The following ZNF398 variants were observed in gnomAD, a reference collection of about 807,000 sequenced individuals.
ZNF398 encodes the protein zinc finger protein 398, also known as zinc finger DNA binding protein ZER6.
In ZNF398, 18 loss-of-function variants were observed where a neutral mutation model predicts 41.9. The observed-to-expected ratio is 0.43, with a 90% CI of 0.30 to 0.64. The LOEUF (loss-of-function observed/expected upper bound fraction) is 0.64. Among genes scored for constraint, ZNF398 ranks in the 30% least tolerant of loss-of-function variants. The pLI, the probability that ZNF398 is intolerant of heterozygous loss-of-function variation, is 0.14. For synonymous variants in ZNF398, 260 were observed against 308.8 expected (o/e 0.84, Z 1.66); for missense variants, 669 against 822.8 (o/e 0.81, Z 2.29).
At position 149,133,684 on chromosome 7, in the gene ZNF398, TATATGTGTGTATATATATATAC is replaced by T. The variant is rs1214836273; in HGVS notation, c.-490+4742_-490+4763del. Among the ~76,000 whole-genome samples, 137 of 41,964 alleles carry T rather than the reference TATATGTGTGTATATATATATAC, an allele frequency of 3.3e-3. 6 individuals are homozygous for T. Among genetic ancestry groups the T allele is most frequent in the East Asian group, 0.016 (14 of 882 alleles). 27.5% of individuals were successfully genotyped at this position (41,964 alleles called of 152,430 possible). A position where few individuals can be genotyped will look rare whatever the true frequency, so the allele number is the denominator to read the frequency against. ...ATATATATATATATATATATACATA[TATATGTGTGTATATATATATAC>T]ACACATATATATGTATATATATATT... On this transcript the variant is annotated intron_variant, in intron 2 of 6. Transcript: ENST00000426851.
intron 2 of ZNF398, among the ~76,000 whole-genome samples, chr7:149,139,954 C>T (rs1043963445): frequency 4.9e-5 from 7 of 143,982 alleles, no homozygotes; most frequent in African/African-American, 1.6e-4. Flanking sequence ...GCCGAGATTG[C>T]GCCACTGCAC....
intron 5 of ZNF398, among the ~76,000 whole-genome samples, chr7:149,177,205 A>C (rs907819812): frequency 6.6e-6 from 1 of 152,038 alleles, no homozygotes; most frequent in Admixed American, 6.6e-5. Flanking sequence ...TCTTGAAAAA[A>C]CTTATGCTAG....
In ZNF398 at chr7:149,178,701, G is replaced by C. The variant is rs769528874; in HGVS notation, c.829G>C (p.Glu277Gln). 7.4e-6 allele frequency: 12 copies of C among 1,614,196 alleles called. No homozygotes were observed. The highest frequency in any genetic ancestry group is 4.2e-6 in the Non-Finnish European group (5 of 1,180,040). ...CCTTGCTAGATCCTCGTTGTGCCCT[G>C]AGGTTCCAGTCCCTTTCTCTTCTCC... is the stretch of plus-strand genomic sequence containing the variant. ...EGLARSSLCPEVPVPFSSPPA... is the reference protein window; with the variant it reads ...EGLARSSLCPQVPVPFSSPPA... The change falls in exon 6 of 6, where the codon GAG becomes CAG. Residue 277 changes from glutamate (E) to glutamine (Q), a missense_variant. Physicochemically the swap from Glu to Gln is conservative, Grantham distance 29 (BLOSUM62 2). Around this residue, in one of 3 missense-constraint regions of ZNF398, gnomAD observed 290 missense variants for 292.9 expected, o/e 0.99. Coordinates refer to ENST00000475153, the MANE Select transcript of ZNF398 (RefSeq NM_170686.3).
chr7:149,182,108 G>A lies in ZNF398; in HGVS notation c.*2307G>A, dbSNP rs1795605678. Reference sequence around the variant, plus strand: ...GATTTGCCAAGAACACAGCTTATTAGTGAAAGAGACCTGTGGATTGAAATG... The same window carrying A: ...GATTTGCCAAGAACACAGCTTATTAATGAAAGAGACCTGTGGATTGAAATG... On this transcript the variant is annotated 3_prime_UTR_variant, in exon 6 of 6. Transcript: ENST00000475153. 2 of 152,180 alleles carry A rather than the reference G, an allele frequency of 1.3e-5. No homozygotes were observed. The highest frequency in any genetic ancestry group is 6.5e-5 in the Admixed American group (1 of 15,280). 9.4% of individuals were successfully genotyped at this position (152,180 alleles called of 1,614,324 possible).
chr7:149,160,704 G>A (rs1056342508), intron 2 of ZNF398, among the ~76,000 whole-genome samples: 3 of 152,158 alleles, frequency 2.0e-5, no homozygotes, highest in Non-Finnish European at 4.4e-5. Flanking sequence ...ATTTTCTTGT[G>A]TGAATTAAGT....
chr7:149,147,610 T>C lies in ZNF398; in HGVS notation c.-133T>C. On this transcript the variant is annotated 5_prime_UTR_variant, in exon 1 of 6. Coordinates refer to ENST00000475153, the MANE Select transcript of ZNF398 (RefSeq NM_170686.3). The surrounding 1 kb of genome is among the most constrained non-coding windows in gnomAD (Gnocchi z 5.6). ...CCGACGGCCGCGTGAGTCCCGTCCG[T>C]GCGGGGAAGGCAGGGCCGGGTCGGC... The C allele has an allele frequency of 9.7e-7, 1 of 1,029,504 alleles. No homozygotes were observed. Among genetic ancestry groups the C allele is most frequent in the South Asian group, 4.7e-5 (1 of 21,226 alleles). 63.8% of individuals were successfully genotyped at this position (1,029,504 alleles called of 1,614,324 possible). A position where few individuals can be genotyped will look rare whatever the true frequency, so the allele number is the denominator to read the frequency against.
rs565523865 is a variant in ZNF398, at chr7:149,150,753, A to G, written c.24+2987A>G. Among the ~76,000 whole-genome samples, 8 of 148,630 alleles carry G rather than the reference A, an allele frequency of 5.4e-5. No individual in the cohort carries two copies. The East Asian group carries it at 1.4e-3, about 27-fold the overall frequency. ...CTAGACAGAGTCTTGCTCTGTCACC[A>G]TGCTGGAGTGCAGTGGCACGATTTC... On this transcript the variant is annotated intron_variant, in intron 1 of 5. Coordinates refer to ENST00000475153, the MANE Select transcript of ZNF398 (RefSeq NM_170686.3).
upstream of ZNF398, among the ~76,000 whole-genome samples, chr7:149,143,455 G>T (rs1309827187): frequency 6.6e-6 from 1 of 152,226 alleles, no homozygotes; most frequent in Non-Finnish European, 1.5e-5. Flanking sequence ...GGAAGATGCT[G>T]AAATTGGTGT....
chr7:149,127,322 G>A (rs1826501619), intron 1 of ZNF398, among the ~76,000 whole-genome samples: 1 of 151,922 alleles, frequency 6.6e-6, no homozygotes, highest in Non-Finnish European at 1.5e-5. Flanking sequence ...ATAGGCTGAG[G>A]AGCGTGTGCA....
chr7:149,147,253 C>A (rs945413052), upstream of ZNF398: 5 of 152,254 alleles, frequency 3.3e-5, no homozygotes. This position sits in a 1 kb window ranked among gnomAD's most constrained non-coding sequence, Gnocchi z 5.6. Context: ...GTGAGCTGAA[C>A]CTTCTCGTGG....
At chr7:149,154,539 C>T (rs1399580418) in intron 2 of ZNF398, among the ~76,000 whole-genome samples, 199 bp downstream of exon 2, 2 of 152,020 alleles carry the variant, frequency 1.3e-5, no homozygotes, top group East Asian at 1.9e-4. Flanking sequence ...TTTAGAGTGC[C>T]AAGATTCAGA....
Position 149,182,988 on chromosome 7 carries a change from C to G in ZNF398, c.*3187C>G, listed in dbSNP as rs1014623279. Among the ~76,000 whole-genome samples, 4 of 146,632 alleles carry G rather than the reference C, an allele frequency of 2.7e-5. No individual in the cohort carries two copies. Among genetic ancestry groups the G allele is most frequent in the African/African-American group, 1.0e-4 (4 of 39,332 alleles). ...AACCAGGACCAGACCCTGTGACTTA[C>G]TCGGTAATAACAGTCCACACAAGCC... is the stretch of plus-strand genomic sequence containing the variant. On this transcript the variant is annotated 3_prime_UTR_variant, in exon 6 of 6. Coordinates refer to ENST00000475153, the MANE Select transcript of ZNF398 (RefSeq NM_170686.3).
At chr7:149,167,634 CTTTTTTT>C (rs1163487497) in intron 4 of ZNF398, among the ~76,000 whole-genome samples, 12 of 133,958 alleles carry the variant, frequency 9.0e-5, no homozygotes, top group African/African-American at 3.2e-4. Context: ...TTTTTCTTTT[CTTTTTTT>C]TTTTTTTTTT....
intron 2 of ZNF398, among the ~76,000 whole-genome samples, chr7:149,137,253 G>A (rs894721149): frequency 1.3e-5 from 2 of 152,118 alleles, no homozygotes; most frequent in Non-Finnish European, 2.9e-5. Context: ...ATTGATCCAT[G>A]TGTCTATCCC....
At chr7:149,150,511 A>C (rs1026416081) in intron 1 of ZNF398, among the ~76,000 whole-genome samples, 1 of 152,112 alleles carries the variant, frequency 6.6e-6, no homozygotes, top group African/African-American at 2.4e-5. Flanking sequence ...AGATGGGAGA[A>C]TCGCTTGAGC....
At chr7:149,156,001 T>C (rs1358398727) in intron 2 of ZNF398, among the ~76,000 whole-genome samples, 1 of 151,862 alleles carries the variant, frequency 6.6e-6, no homozygotes, top group Non-Finnish European at 1.5e-5. Context: ...GCTGGGATTA[T>C]AGGCATGAGC....
upstream of ZNF398, among the ~76,000 whole-genome samples, chr7:149,145,296 C>T (rs185546693): frequency 1.4e-4 from 22 of 152,166 alleles, no homozygotes; most frequent in East Asian, 3.9e-3. Context: ...CACATGAAAC[C>T]GCCCCAACAG....
intron 2 of ZNF398, among the ~76,000 whole-genome samples, chr7:149,132,566 C>G (rs1018786021): frequency 6.6e-6 from 1 of 151,946 alleles, no homozygotes; most frequent in Non-Finnish European, 1.5e-5. Flanking sequence ...TGGAGTGCAC[C>G]GGATTTTATA....
intron 1 of ZNF398, among the ~76,000 whole-genome samples, chr7:149,148,863 C>CTTTTTTTTTT (rs59895177): frequency 0.011 from 667 of 63,278 alleles, 110 homozygotes; most frequent in African/African-American, 0.024. Flanking sequence ...TTTTCTTTGT[C>CTTTTTTTTTT]TTTTTTTTTT....
Sources: gnomAD v4.1 joint callset for allele counts (sites outside exome capture counted in the v4.1 genomes callset) on GRCh38, gnomAD v4.1.1 for gene constraint, gnomAD v4.1.1 regional missense constraint, Gnocchi (gnomAD v3.1) non-coding constraint, MANE v1.5 for transcripts, NCBI Gene and HGNC (gene_info 2026-07-23, HGNC 2026-07-21) for gene names.